Variants in CNIH3 observed in about 807,000 individuals in gnomAD.
CNIH3 encodes cornichon family AMPA receptor auxiliary protein 3.
A neutral mutation model predicts 24.1 loss-of-function variants in CNIH3; 14 were observed. That is an observed-to-expected ratio of 0.58 (90% CI 0.38 to 0.91). The LOEUF (loss-of-function observed/expected upper bound fraction) is 0.91. Ranked by LOEUF, CNIH3 falls within the 40% of genes least tolerant of loss-of-function variation. CNIH3 has a pLI of 0.00. For missense variants in CNIH3, 178 were observed against 196.8 expected, an observed-to-expected ratio of 0.90 and a Z score of 0.57; for synonymous variants, 68 against 73.8, an observed-to-expected ratio of 0.92 and a Z score of 0.40.
intron 1 of CNIH3, among the ~76,000 whole-genome samples, chr1:224,627,049 A>G (rs1311160930): frequency 2.0e-5 from 3 of 152,120 alleles, no homozygotes; most frequent in African/African-American, 7.2e-5. Context: ...GCAGGGGTGG[A>G]TGGAGAACAG....
intron 5 of CNIH3, among the ~76,000 whole-genome samples, chr1:224,585,279 G>A (rs766283980): frequency 8.6e-5 from 13 of 151,868 alleles, no homozygotes; most frequent in South Asian, 2.1e-4. Context: ...CTCCTCTACC[G>A]CAAAGCCTTC....
At chr1:224,568,459 A>C (rs1680679296) in intron 4 of CNIH3, among the ~76,000 whole-genome samples, 1 of 152,140 alleles carries the variant, frequency 6.6e-6, no homozygotes, top group African/African-American at 2.4e-5. Flanking sequence ...TGTGATGTGT[A>C]AGGAATTACA....
chr1:224,546,186 A>T (rs1330843553), intron 2 of CNIH3, among the ~76,000 whole-genome samples: 1 of 152,228 alleles, frequency 6.6e-6, no homozygotes, highest in African/African-American at 2.4e-5. Context: ...ACACCAAAGC[A>T]GCAAGCTTTG....
At chr1:224,614,676 C>T (rs553214837), upstream of CNIH3, among the ~76,000 whole-genome samples, 8 of 151,744 alleles carry the variant, frequency 5.3e-5, no homozygotes, top group East Asian at 1.9e-4. Flanking sequence ...GGGCCTGGAG[C>T]GGTGGCTCAC....
intron 1 of CNIH3, among the ~76,000 whole-genome samples, chr1:224,442,827 C>T (rs893617211): frequency 3.3e-5 from 5 of 152,192 alleles, no homozygotes; most frequent in South Asian, 2.1e-4. Context: ...TGTGTTAGTC[C>T]GAAAAGTAGC....
chr1:224,698,012 TATC>T (rs1333772949), intron 3 of CNIH3, among the ~76,000 whole-genome samples: 4 of 152,226 alleles, frequency 2.6e-5, no homozygotes, highest in African/African-American at 4.8e-5. Flanking sequence ...ATTGCCGAGT[TATC>T]ATGCTGGCTC....
chr1:224,461,024 A>G (rs528234427), intron 1 of CNIH3, among the ~76,000 whole-genome samples: 1 of 143,902 alleles, frequency 6.9e-6, no homozygotes, highest in African/African-American at 2.6e-5. Flanking sequence ...TTTTTTTGAG[A>G]TGGAGTCTCA....
At chr1:224,495,799 C>T (rs1055271452) in intron 1 of CNIH3, among the ~76,000 whole-genome samples, 7 of 152,000 alleles carry the variant, frequency 4.6e-5, no homozygotes, top group African/African-American at 4.8e-5. Context: ...GCAAGAGGAG[C>T]GGGCTGAGTG....
intron 2 of CNIH3, among the ~76,000 whole-genome samples, chr1:224,683,830 A>G (rs572215818): frequency 1.3e-5 from 2 of 152,364 alleles, no homozygotes; most frequent in East Asian, 1.9e-4. Context: ...GTGTGTGCAC[A>G]TAAGTATGTG....
At chr1:224,599,523 G>T (rs778440656) in intron 3 of CNIH3, among the ~76,000 whole-genome samples, 2 of 151,784 alleles carry the variant, frequency 1.3e-5, no homozygotes, top group Non-Finnish European at 2.9e-5. Flanking sequence ...TTAATAATTT[G>T]TCATTTAAAT....
chr1:224,735,976 C>T (rs890758852), intron 5 of CNIH3, among the ~76,000 whole-genome samples: 1 of 151,824 alleles, frequency 6.6e-6, no homozygotes, highest in Non-Finnish European at 1.5e-5. Flanking sequence ...GAGCTTTGTA[C>T]GTATCGCTCA....
At position 224,616,905 on chromosome 1, in the gene CNIH3, C is replaced by A; in HGVS notation, c.-270C>A. ...GTGTTCGCTGCTGATTTGGTTTCTT[C>A]TTCGATTTGCGGACGGTTCCCTCCA... On this transcript the variant is annotated 5_prime_UTR_variant, in exon 1 of 6. Transcript: ENST00000272133. 1 of 1,299,186 alleles carries A rather than the reference C, an allele frequency of 7.7e-7. No homozygotes were observed. The allele number at this position is 1,299,186 out of a possible 1,614,324, so 80.5% of individuals were successfully genotyped here.
intron 3 of CNIH3, among the ~76,000 whole-genome samples, chr1:224,702,483 C>T (rs1027747626): frequency 1.1e-4 from 16 of 152,254 alleles, no homozygotes; most frequent in African/African-American, 3.9e-4. Context: ...TGTTTCCCCA[C>T]ACCAGCGTCA....
intron 1 of CNIH3, among the ~76,000 whole-genome samples, chr1:224,676,379 G>C (rs1025899639): frequency 6.6e-5 from 10 of 152,204 alleles, no homozygotes; most frequent in African/African-American, 2.4e-4. Flanking sequence ...GTTGCAGGAG[G>C]GAATTTTGGG....
At chr1:224,621,144 C>T (rs925907458) in intron 1 of CNIH3, among the ~76,000 whole-genome samples, 5 of 152,232 alleles carry the variant, frequency 3.3e-5, no homozygotes, top group African/African-American at 1.2e-4. Context: ...AATAAAATTC[C>T]CTAGAAAGAT....
chr1:224,709,281 A>G (rs956064133), intron 3 of CNIH3, among the ~76,000 whole-genome samples: 1 of 151,170 alleles, frequency 6.6e-6, no homozygotes, highest in Non-Finnish European at 1.5e-5. Context: ...CTCTCTCTTG[A>G]ATTCCAGGAA....
chr1:224,528,319 A>G (rs1454097303), intron 2 of CNIH3, among the ~76,000 whole-genome samples: 2 of 152,134 alleles, frequency 1.3e-5, no homozygotes, highest in African/African-American at 2.4e-5. Flanking sequence ...TTATTTACTT[A>G]TTTATTTATG....
At chr1:224,543,671 G>A (rs1393783296) in intron 2 of CNIH3, among the ~76,000 whole-genome samples, 4 of 152,158 alleles carry the variant, frequency 2.6e-5, no homozygotes, top group Admixed American at 6.5e-5. Flanking sequence ...TGTTCACAAT[G>A]GCCTGCAGTG....
chr1:224,690,786 A>C (rs1477133635), intron 3 of CNIH3, among the ~76,000 whole-genome samples: 1 of 152,172 alleles, frequency 6.6e-6, no homozygotes, highest in East Asian at 1.9e-4. Flanking sequence ...GTAGGCTTTG[A>C]GGGTGAGTGG....
Sources: allele counts gnomAD v4.1 joint callset (sites outside exome capture counted in the v4.1 genomes callset), GRCh38; gene constraint gnomAD v4.1.1; transcripts MANE v1.5; gene names NCBI Gene and HGNC (gene_info 2026-07-23, HGNC 2026-07-21).